MACO1: variants seen among roughly 807,000 people sequenced by gnomAD.
MACO1 encodes macoilin.
Under a neutral mutation model 78.7 loss-of-function variants are expected in MACO1, and 14 were observed. That is an observed-to-expected ratio of 0.18 (90% CI 0.12 to 0.28). The LOEUF (loss-of-function observed/expected upper bound fraction) is 0.28. MACO1 is among the 10% of genes least tolerant of loss of function. MACO1 has a pLI of 1.00. For synonymous variants in MACO1, 288 were observed against 291.6 expected (o/e 0.99, Z 0.12); for missense variants, 501 against 799.0 (o/e 0.63, Z 4.50).
chr1:25,432,691 CTTAACA>C, intron 1 of MACO1, among the ~76,000 whole-genome samples: 1 of 152,324 alleles, frequency 6.6e-6, no homozygotes, highest in African/African-American at 2.4e-5. Context: ...ATTTGACCAA[CTTAACA>C]TTAATGGTAA....
chr1:25,447,882 T>A (rs949815969), intron 2 of MACO1, among the ~76,000 whole-genome samples: 1 of 152,206 alleles, frequency 6.6e-6, no homozygotes, highest in African/African-American at 2.4e-5. Context: ...CAGCCACATC[T>A]TAAAACTATA....
intron 3 of MACO1, among the ~76,000 whole-genome samples, chr1:25,450,829 C>T (rs183660689): frequency 6.6e-6 from 1 of 152,188 alleles, no homozygotes. Context: ...TTACACTCGT[C>T]ACTCTCCCTA....
At chr1:25,495,902 C>T (rs1328962191) in intron 10 of MACO1, among the ~76,000 whole-genome samples, 3 of 152,154 alleles carry the variant, frequency 2.0e-5, no homozygotes, top group Non-Finnish European at 4.4e-5. Context: ...GTGGAGGTTG[C>T]AGTGAGTAGC....
intron 6 of MACO1, among the ~76,000 whole-genome samples, chr1:25,483,559 C>G (rs74063415): frequency 0.073 from 11,175 of 152,178 alleles, 1,344 homozygotes; most frequent in African/African-American, 0.25. Flanking sequence ...GTTATTGAGT[C>G]TCGTGAGCTC....
intron 6 of MACO1, among the ~76,000 whole-genome samples, chr1:25,464,832 AT>A (rs956252395): frequency 2.0e-5 from 3 of 150,712 alleles, no homozygotes; most frequent in Non-Finnish European, 4.4e-5. Context: ...AATTTTTTGT[AT>A]TTTTAGTAGA....
At chr1:25,494,694 G>A (rs928739025) in intron 10 of MACO1, among the ~76,000 whole-genome samples, 1 of 152,210 alleles carries the variant, frequency 6.6e-6, no homozygotes, top group Non-Finnish European at 1.5e-5. Context: ...GGCCAGACAG[G>A]TGAGTGGAGA....
At chr1:25,480,863 G>A (rs2043365607) in intron 6 of MACO1, among the ~76,000 whole-genome samples, 1 of 143,578 alleles carries the variant, frequency 7.0e-6, no homozygotes, top group Non-Finnish European at 1.5e-5. Flanking sequence ...CCCAGGAGGG[G>A]GAGATTGCAG....
At chr1:25,471,921 A>AAGCCTTGG (rs1298012675) in intron 6 of MACO1, among the ~76,000 whole-genome samples, 1 of 152,196 alleles carries the variant, frequency 6.6e-6, no homozygotes, top group Non-Finnish European at 1.5e-5. Flanking sequence ...AAGAGGTGTA[A>AAGCCTTGG]GAATTTCTGG....
intron 2 of MACO1, 120 bp downstream of exon 2, chr1:25,447,023 T>C (rs2043021558): frequency 8.2e-7 from 1 of 1,222,472 alleles, no homozygotes; most frequent in Admixed American, 2.6e-5. Flanking sequence ...TTAACTGAAA[T>C]TGACCTCTAA....
rs116226664 is a variant in MACO1, at chr1:25,436,038, G to A, written c.80+4860G>A. Among the ~76,000 whole-genome samples, 805 of 152,222 alleles carry A rather than the reference G, an allele frequency of 5.3e-3. 6 individuals carry two copies. Among genetic ancestry groups the A allele is most frequent in the African/African-American group, 0.018 (744 of 41,532 alleles). On this transcript the variant is annotated intron_variant, in intron 1 of 10. Transcript: ENST00000374343. ...GAACGTGATTCACTTCACATTATTT[G>A]CTTAAAAGCTTCCTGTTTTATCATT...
intron 6 of MACO1, among the ~76,000 whole-genome samples, chr1:25,474,286 A>G (rs1260151277): frequency 6.6e-6 from 1 of 152,064 alleles, no homozygotes; most frequent in Non-Finnish European, 1.5e-5. Context: ...GTCAAACAAA[A>G]CATGTTTATG....
intron 1 of MACO1, among the ~76,000 whole-genome samples, chr1:25,433,254 C>G (rs1200946729): frequency 1.3e-5 from 2 of 151,806 alleles, no homozygotes; most frequent in East Asian, 3.9e-4. Context: ...GAGTATTGGA[C>G]TGAAGAACAA....
intron 10 of MACO1, among the ~76,000 whole-genome samples, chr1:25,495,555 C>A (rs1330813908): frequency 6.6e-6 from 1 of 152,184 alleles, no homozygotes; most frequent in Non-Finnish European, 1.5e-5. Flanking sequence ...CACTCCCTCC[C>A]TACAGGGTTG....
chr1:25,433,796 C>T (rs1263838391), intron 1 of MACO1, among the ~76,000 whole-genome samples: 3 of 152,224 alleles, frequency 2.0e-5, no homozygotes, highest in Non-Finnish European at 4.4e-5. Context: ...GAGATATGTA[C>T]AGTTTGTGAA....
chr1:25,440,475 G>T (rs966565518), intron 1 of MACO1, among the ~76,000 whole-genome samples: 7 of 150,604 alleles, frequency 4.6e-5, no homozygotes, highest in African/African-American at 1.7e-4. Context: ...TCACTTAAAA[G>T]TACCAATAAA....
intron 6 of MACO1, among the ~76,000 whole-genome samples, chr1:25,464,925 C>T (rs1274574794): frequency 3.3e-5 from 5 of 151,538 alleles, no homozygotes; most frequent in Non-Finnish European, 4.4e-5. Context: ...CCACCCACCT[C>T]GGCCTCCCAA....
At chr1:25,471,312 C>G (rs1398074530) in intron 6 of MACO1, among the ~76,000 whole-genome samples, 1 of 150,612 alleles carries the variant, frequency 6.6e-6, no homozygotes, top group Non-Finnish European at 1.5e-5. Flanking sequence ...GCACTCCAGC[C>G]TGGGCGACAG....
chr1:25,474,395 T>C (rs1306460155), intron 6 of MACO1, among the ~76,000 whole-genome samples: 1 of 152,214 alleles, frequency 6.6e-6, no homozygotes, highest in Non-Finnish European at 1.5e-5. Context: ...CAGTGAAAAC[T>C]TGACTTTCCT....
At chr1:25,487,872 T>C (rs1253964919) in intron 8 of MACO1, among the ~76,000 whole-genome samples, 1 of 152,154 alleles carries the variant, frequency 6.6e-6, no homozygotes, top group African/African-American at 2.4e-5. Flanking sequence ...TCAGTTCTTA[T>C]CCCTATTCTA....
Sources: gnomAD v4.1 joint callset for allele counts (sites outside exome capture counted in the v4.1 genomes callset) on GRCh38, gnomAD v4.1.1 for gene constraint, MANE v1.5 for transcripts, NCBI Gene and HGNC (gene_info 2026-07-23, HGNC 2026-07-21) for gene names.